PTPRT: variants seen among roughly 807,000 people sequenced by gnomAD.
PTPRT encodes the protein receptor-type tyrosine-protein phosphatase T.
In PTPRT, 56 loss-of-function variants were observed where a neutral mutation model predicts 176.8. The observed-to-expected ratio is 0.32, with a 90% CI of 0.26 to 0.40. The LOEUF (loss-of-function observed/expected upper bound fraction) is 0.40, where lower values mean the gene tolerates loss of function less well. PTPRT is among the 10% of genes least tolerant of loss of function. PTPRT has a pLI of 1.00. For missense variants in PTPRT, 1,540 were observed against 1,908.2 expected (o/e 0.81, Z 3.60); for synonymous variants, 783 against 739.0 (o/e 1.06, Z -0.96).
chr20:42,674,061 G>A (rs779984262), intron 7 of PTPRT, among the ~76,000 whole-genome samples: 34 of 151,992 alleles, frequency 2.2e-4, no homozygotes, highest in East Asian at 1.2e-3. Flanking sequence ...CATTTCCAGC[G>A]TGATTAATAA....
At chr20:42,263,371 CTTTTTTTTTTTT>C (rs11477690) in intron 13 of PTPRT, among the ~76,000 whole-genome samples, 12 of 50,960 alleles carry the variant, frequency 2.4e-4, no homozygotes, top group Admixed American at 9.9e-4. Context: ...CCATGCCTGG[CTTTTTTTTTTTT>C]TTTTTTTTTT....
intron 1 of PTPRT, among the ~76,000 whole-genome samples, chr20:42,965,985 C>G (rs574405575): frequency 1.3e-5 from 2 of 152,144 alleles, no homozygotes; most frequent in African/African-American, 2.4e-5. Flanking sequence ...TCACTAAACA[C>G]CGGAGAAGAC....
chr20:42,628,554 T>G (rs2074341515), intron 7 of PTPRT, among the ~76,000 whole-genome samples: 1 of 152,182 alleles, frequency 6.6e-6, no homozygotes, highest in Admixed American at 6.5e-5. Context: ...TCCATCCACC[T>G]ATCTATCCAT....
At chr20:42,944,043 T>TAAACAAAC (rs567584285) in intron 1 of PTPRT, among the ~76,000 whole-genome samples, 1 of 149,462 alleles carries the variant, frequency 6.7e-6, no homozygotes, top group Non-Finnish European at 1.5e-5. Flanking sequence ...AATAAATAAA[T>TAAACAAAC]AAACAAACAA....
chr20:42,292,367 T>C (rs1402997023), intron 12 of PTPRT, among the ~76,000 whole-genome samples: 4 of 152,048 alleles, frequency 2.6e-5, no homozygotes, highest in African/African-American at 4.8e-5. Flanking sequence ...AGTTTTGCTC[T>C]TTTTGCCCAG....
Position 42,169,524 on chromosome 20 carries a change from G to A in PTPRT, c.2492-7982C>T, listed in dbSNP as rs185757060. On this transcript the variant is annotated intron_variant, in intron 16 of 30. Transcript: ENST00000373187. Reference sequence around the variant, plus strand: ...TAGCAGCATCACACATGCCAGGATGGTATGGAATAAAAGGATTCCAACAAT... The same window carrying A: ...TAGCAGCATCACACATGCCAGGATGATATGGAATAAAAGGATTCCAACAAT... Among the ~76,000 whole-genome samples the A allele has an allele frequency of 1.5e-4, 23 of 152,140 alleles. No homozygotes were observed. In the East Asian group the frequency reaches 4.5e-3, roughly 29 times the overall value.
At chr20:43,012,166 T>C (rs1985163126) in intron 1 of PTPRT, among the ~76,000 whole-genome samples, 1 of 152,190 alleles carries the variant, frequency 6.6e-6, no homozygotes, top group African/African-American at 2.4e-5. Flanking sequence ...CTCCCCATTA[T>C]ATATACATCC....
intron 2 of PTPRT, among the ~76,000 whole-genome samples, chr20:42,848,081 T>C (rs1214014809): frequency 6.6e-6 from 1 of 152,144 alleles, no homozygotes; most frequent in African/African-American, 2.4e-5. Flanking sequence ...GAATATATGA[T>C]GTTTGGTTTT....
chr20:42,163,343 G>C (rs1568633760), intron 16 of PTPRT, among the ~76,000 whole-genome samples: 1 of 152,198 alleles, frequency 6.6e-6, no homozygotes, highest in Non-Finnish European at 1.5e-5. Context: ...CTAAGATTTA[G>C]ATTTATGCAC....
chr20:43,166,296 C>T (rs1214566632), intron 1 of PTPRT, among the ~76,000 whole-genome samples: 2 of 150,870 alleles, frequency 1.3e-5, no homozygotes, highest in Non-Finnish European at 2.9e-5. Flanking sequence ...CACTGCACTC[C>T]AACCCCGGGC....
chr20:42,383,029 A>G (rs1168116107), intron 9 of PTPRT, among the ~76,000 whole-genome samples: 1 of 152,228 alleles, frequency 6.6e-6, no homozygotes, highest in Non-Finnish European at 1.5e-5. Flanking sequence ...ATTCTGGGCC[A>G]AGTTAGTTAA....
chr20:42,343,335 G>T (rs377134442), intron 11 of PTPRT, among the ~76,000 whole-genome samples: 23 of 152,178 alleles, frequency 1.5e-4, no homozygotes, highest in African/African-American at 4.3e-4. Context: ...TCCATCCCAC[G>T]AACCAAGCCA....
intron 1 of PTPRT, among the ~76,000 whole-genome samples, chr20:43,066,606 C>A (rs575207310): frequency 6.6e-6 from 1 of 152,194 alleles, no homozygotes; most frequent in African/African-American, 2.4e-5. Context: ...CACTTCCCCC[C>A]ATCCACCCAT....
chr20:42,433,984 T>TA (rs1362485221), intron 9 of PTPRT, among the ~76,000 whole-genome samples: 1 of 151,996 alleles, frequency 6.6e-6, no homozygotes, highest in Non-Finnish European at 1.5e-5. Context: ...TGAAAGTAAA[T>TA]ACGGTCCATA....
In PTPRT at chr20:42,934,831, G is replaced by T. The variant is rs1980072541; in HGVS notation, c.89-48899C>A. 3.3e-5 allele frequency among the ~76,000 whole-genome samples: 5 copies of T among 152,086 alleles called. No individual in the cohort carries two copies. The South Asian group carries it at 1.0e-3, about 32-fold the overall frequency. On this transcript the variant is annotated intron_variant, in intron 1 of 30. Transcript: ENST00000373187. Reference sequence around the variant, plus strand: ...CATCTGTAATCCCAGCACTTTGGGAGACCAAGGCAAGTGGATCACCTGAGG... The same window carrying T: ...CATCTGTAATCCCAGCACTTTGGGATACCAAGGCAAGTGGATCACCTGAGG...
At chr20:42,394,943 C>T (rs1412911233) in intron 9 of PTPRT, among the ~76,000 whole-genome samples, 5 of 151,996 alleles carry the variant, frequency 3.3e-5, no homozygotes, top group South Asian at 2.1e-4. Context: ...ATGTTCTTGC[C>T]CCTCTTGCTC....
chr20:42,760,384 T>C (rs1342259048), intron 5 of PTPRT, among the ~76,000 whole-genome samples: 1 of 98,594 alleles, frequency 1.0e-5, no homozygotes, highest in Non-Finnish European at 2.1e-5. Context: ...AATCTGCTTT[T>C]TTTTTTTTTT....
At chr20:43,001,867 C>T (rs931942501) in intron 1 of PTPRT, among the ~76,000 whole-genome samples, 1 of 145,564 alleles carries the variant, frequency 6.9e-6, no homozygotes. Context: ...AACAAACAAA[C>T]AAACAAACAA....
At chr20:42,385,313 G>A (rs2058734608) in intron 9 of PTPRT, among the ~76,000 whole-genome samples, 1 of 152,126 alleles carries the variant, frequency 6.6e-6, no homozygotes, top group African/African-American at 2.4e-5. Flanking sequence ...TGACAACATA[G>A]ATGAACCTGG....
Sources: gnomAD v4.1 joint callset for allele counts (sites outside exome capture counted in the v4.1 genomes callset) on GRCh38, gnomAD v4.1.1 for gene constraint, MANE v1.5 for transcripts, NCBI Gene and HGNC (gene_info 2026-07-23, HGNC 2026-07-21) for gene names.